The following DOCK9 variants were observed in gnomAD, a reference collection of about 807,000 sequenced individuals.
DOCK9 encodes the protein dedicator of cytokinesis protein 9.
Under a neutral mutation model 263.3 loss-of-function variants are expected in DOCK9, and 89 were observed. That is an observed-to-expected ratio of 0.34 (90% CI 0.28 to 0.40). DOCK9 has a LOEUF of 0.40. Ranked by LOEUF, DOCK9 falls within the 10% of genes least tolerant of loss-of-function variation. The pLI is 1.00. For synonymous variants in DOCK9, 976 were observed against 973.1 expected (o/e 1.00, Z -0.06); for missense variants, 2,140 against 2,603.4 (o/e 0.82, Z 3.87).
intron 33 of DOCK9, chr13:98,859,156 A>G (rs1028699583): frequency 6.6e-6 from 1 of 152,264 alleles, no homozygotes; most frequent in Non-Finnish European, 1.5e-5. Context: ...CCTCTAAGGA[A>G]GGTCCCCTCC....
intron 1 of DOCK9, among the ~76,000 whole-genome samples, chr13:99,026,291 T>TA (rs1174040726): frequency 1.3e-5 from 2 of 152,214 alleles, no homozygotes; most frequent in Non-Finnish European, 2.9e-5. Context: ...CATATCCTGA[T>TA]AAAGGTGTTT....
intron 13 of DOCK9, among the ~76,000 whole-genome samples, chr13:98,900,203 C>T (rs2048064784): frequency 6.6e-6 from 1 of 152,180 alleles, no homozygotes; most frequent in South Asian, 2.1e-4. Flanking sequence ...AGCAGATGCT[C>T]AGTGGACATG....
At chr13:98,922,943 C>A (rs771764622) in intron 5 of DOCK9, among the ~76,000 whole-genome samples, 1 of 152,174 alleles carries the variant, frequency 6.6e-6, no homozygotes, top group Non-Finnish European at 1.5e-5. Context: ...AAGAAATAGC[C>A]ATTTAAATCT....
chr13:99,014,370 C>A (rs1831477960), intron 1 of DOCK9, among the ~76,000 whole-genome samples: 1 of 152,182 alleles, frequency 6.6e-6, no homozygotes, highest in Admixed American at 6.5e-5. Context: ...AATATAGCAC[C>A]ACTTAAATTC....
At chr13:99,059,571 A>G (rs2041088182) in intron 1 of DOCK9, among the ~76,000 whole-genome samples, 1 of 152,136 alleles carries the variant, frequency 6.6e-6, no homozygotes, top group East Asian at 1.9e-4. Context: ...GATCTTCCCA[A>G]AATACAAATG....
intron 38 of DOCK9, chr13:98,845,429 T>C (rs1411827861): frequency 8.3e-7 from 1 of 1,206,736 alleles, no homozygotes; most frequent in Non-Finnish European, 1.1e-6. Flanking sequence ...CCCTCACAAA[T>C]TGATTCATGG....
intron 1 of DOCK9, among the ~76,000 whole-genome samples, chr13:99,023,484 A>G (rs1009265433): frequency 5.3e-5 from 8 of 152,232 alleles, no homozygotes; most frequent in Non-Finnish European, 8.8e-5. Flanking sequence ...GAGAAGGCAA[A>G]TAAGGGGTTA....
chr13:98,862,878 G>T, intron 32 of DOCK9, 141 bp downstream of exon 32: 1 of 689,834 alleles, frequency 1.4e-6, no homozygotes, highest in Non-Finnish European at 2.5e-6. Context: ...CAACCCCACT[G>T]ACACCTTGAT....
chr13:99,050,834 T>C (rs2040658901), intron 1 of DOCK9, among the ~76,000 whole-genome samples: 1 of 152,208 alleles, frequency 6.6e-6, no homozygotes, highest in South Asian at 2.1e-4. Context: ...AAAACCAGCC[T>C]CCACTTCATA....
At chr13:98,911,770 GC>G (rs1003801818) in intron 9 of DOCK9, among the ~76,000 whole-genome samples, 6 of 150,706 alleles carry the variant, frequency 4.0e-5, no homozygotes, top group African/African-American at 1.5e-4. Context: ...GGTGGCAGGT[GC>G]CACCAAAATA....
At chr13:98,826,492 T>G (rs1594392428) in intron 44 of DOCK9, among the ~76,000 whole-genome samples, 1 of 152,252 alleles carries the variant, frequency 6.6e-6, no homozygotes. Flanking sequence ...AACTTTTTGA[T>G]TGCCTAAACA....
chr13:98,824,014 T>G (rs1241974514), intron 45 of DOCK9, among the ~76,000 whole-genome samples: 2 of 152,210 alleles, frequency 1.3e-5, no homozygotes, highest in East Asian at 3.9e-4. Context: ...GGGATATGAC[T>G]GGTGCTGGAG....
chr13:98,949,181 T>A (rs1269919741), intron 2 of DOCK9, among the ~76,000 whole-genome samples: 1 of 152,142 alleles, frequency 6.6e-6, no homozygotes, highest in African/African-American at 2.4e-5. Flanking sequence ...CAAGTGATCC[T>A]CCCACCTCAG....
intron 49 of DOCK9, among the ~76,000 whole-genome samples, chr13:98,802,349 T>C (rs1380038134): frequency 6.6e-6 from 1 of 152,226 alleles, no homozygotes; most frequent in African/African-American, 2.4e-5. Context: ...AATGAATGAA[T>C]GCATTACTGC....
intron 1 of DOCK9, among the ~76,000 whole-genome samples, chr13:98,965,496 C>T (rs1166290872): frequency 6.6e-6 from 1 of 152,132 alleles, no homozygotes; most frequent in Admixed American, 6.5e-5. Flanking sequence ...CTGTGATTAT[C>T]CAGTCCAGTC....
intron 18 of DOCK9, 59 bp downstream of exon 18, chr13:98,888,099 C>G: frequency 8.2e-7 from 1 of 1,220,280 alleles, no homozygotes; most frequent in Non-Finnish European, 1.2e-6. Flanking sequence ...CATGAAAGTG[C>G]ATTTTGAAAA....
At chr13:98,950,708 C>G (rs2057309510) in intron 2 of DOCK9, among the ~76,000 whole-genome samples, 1 of 152,196 alleles carries the variant, frequency 6.6e-6, no homozygotes, top group Non-Finnish European at 1.5e-5. Flanking sequence ...TAAATTGTCT[C>G]CCAACATTCT....
intron 1 of DOCK9, among the ~76,000 whole-genome samples, chr13:99,039,293 A>T (rs1269079483): frequency 6.6e-6 from 1 of 151,926 alleles, no homozygotes; most frequent in Non-Finnish European, 1.5e-5. Flanking sequence ...CCAGCTCACA[A>T]AATAAAACCT....
In DOCK9 at chr13:98,915,653, C is replaced by CG. The variant is rs949901683; in HGVS notation, c.718-151_718-150insC. The CG allele has an allele frequency of 1.0e-4, 66 of 636,642 alleles. 1 individual carries two copies. In the East Asian group the frequency reaches 1.8e-3, roughly 18 times the overall value. 39.4% of individuals were successfully genotyped at this position (636,642 alleles called of 1,614,324 possible). On this transcript the variant is annotated intron_variant, in intron 7 of 52. Transcript: ENST00000682017. ...TGCCCCCTCCTCATGAAAGCCCCCC[C>CG]CCATGAAATCCCATTACCGTCCACC...
Sources: allele counts gnomAD v4.1 joint callset (sites outside exome capture counted in the v4.1 genomes callset), GRCh38; gene constraint gnomAD v4.1.1; transcripts MANE v1.5; gene names NCBI Gene and HGNC (gene_info 2026-07-23, HGNC 2026-07-21).